The following THADA variants were observed in gnomAD, a reference collection of about 807,000 sequenced individuals.
The protein encoded by THADA is tRNA (32-2'-O)-methyltransferase regulator THADA.
THADA carries 213 observed loss-of-function variants against 219.8 expected under a neutral mutation model. The observed-to-expected ratio is 0.97, with a 90% CI of 0.87 to 1.09. The LOEUF (loss-of-function observed/expected upper bound fraction) is 1.09. Ranked by LOEUF, THADA falls within the 50% of genes least tolerant of loss-of-function variation. The probability of loss-of-function intolerance (pLI) is 0.00; values close to 1 mark genes in which losing one functional copy is unlikely to be tolerated. For synonymous variants in THADA, 1,018 were observed against 828.9 expected (o/e 1.23, Z -3.92); for missense variants, 2,956 against 2,311.3 (o/e 1.28, Z -5.72).
intron 28 of THADA, among the ~76,000 whole-genome samples, chr2:43,413,563 A>T (rs1048741068): frequency 2.0e-5 from 3 of 152,224 alleles, no homozygotes; most frequent in Non-Finnish European, 2.9e-5. Context: ...CAATATCACT[A>T]TTTGATAATC....
At chr2:43,261,705 G>T (rs1282880562) in intron 36 of THADA, among the ~76,000 whole-genome samples, 1 of 148,254 alleles carries the variant, frequency 6.7e-6, no homozygotes, top group East Asian at 2.0e-4. Context: ...GCATGATCTC[G>T]GCTCACTGCA....
At chr2:43,322,910 T>G (rs1678912290) in intron 30 of THADA, among the ~76,000 whole-genome samples, 1 of 151,822 alleles carries the variant, frequency 6.6e-6, no homozygotes, top group East Asian at 1.9e-4. Flanking sequence ...ATGGTTTCGA[T>G]CTCCTGACCT....
At chr2:43,501,642 T>C (rs939476339) in intron 24 of THADA, among the ~76,000 whole-genome samples, 11 of 152,016 alleles carry the variant, frequency 7.2e-5, no homozygotes, top group Admixed American at 1.3e-4. Context: ...AAAGACATAA[T>C]AATTAAACTA....
chr2:43,280,561 G>C (rs1673222302), intron 35 of THADA, among the ~76,000 whole-genome samples: 1 of 152,134 alleles, frequency 6.6e-6, no homozygotes, highest in Non-Finnish European at 1.5e-5. Context: ...GAACCTGAGA[G>C]GCAGAGGTTG....
At chr2:43,245,876 C>G (rs943832842) in intron 36 of THADA, among the ~76,000 whole-genome samples, 1 of 152,084 alleles carries the variant, frequency 6.6e-6, no homozygotes, top group Non-Finnish European at 1.5e-5. Context: ...TAATGTTTCT[C>G]TCTTGAGGAC....
intron 4 of THADA, among the ~76,000 whole-genome samples, chr2:43,588,428 A>G (rs901356552): frequency 8.5e-5 from 13 of 152,184 alleles, no homozygotes; most frequent in African/African-American, 3.1e-4. Flanking sequence ...CCAAAATAAT[A>G]TTTTAATTTT....
chr2:43,294,192 T>C (rs1426120404), intron 31 of THADA, among the ~76,000 whole-genome samples: 1 of 152,262 alleles, frequency 6.6e-6, no homozygotes, highest in African/African-American at 2.4e-5. Flanking sequence ...TCTTTTCATA[T>C]TCTCAGTTCT....
rs1417508231 is a variant in THADA, at chr2:43,279,885, T to A, written c.5176A>T (p.Thr1726Ser). 5.8e-6 allele frequency: 9 copies of A among 1,541,906 alleles called. No homozygotes were observed. The highest frequency in any genetic ancestry group is 7.0e-6 in the Non-Finnish European group (8 of 1,149,540). The change falls in exon 36 of 38, where the codon ACA becomes TCA. Residue 1726 changes from threonine (T) to serine (S), a missense_variant. Physicochemically the swap from Thr to Ser is moderately conservative, Grantham distance 58. Transcript: ENST00000405975. The part of the protein sequence containing the change: ...NPHPILELQD[T>S]LALWKCVLTL... ...AGGACACACTTCCAGAGAGCAAGTG[T>A]ATCCTGCAACTCTAAGAAGACCAAA...
intron 11 of THADA, 143 bp downstream of exon 11, chr2:43,574,193 A>T: frequency 1.5e-6 from 1 of 680,524 alleles, no homozygotes; most frequent in Non-Finnish European, 2.3e-6. Context: ...CATTCGTTTC[A>T]AACTGAAACA....
chr2:43,380,169 G>A (rs548631112), intron 29 of THADA, among the ~76,000 whole-genome samples: 4 of 152,262 alleles, frequency 2.6e-5, no homozygotes, highest in Middle Eastern at 3.4e-3. Flanking sequence ...TTTAATGTAC[G>A]CAAATGTTTA....
At chr2:43,496,661 C>CA (rs74271085) in intron 25 of THADA, among the ~76,000 whole-genome samples, 130 of 142,612 alleles carry the variant, frequency 9.1e-4, no homozygotes, top group Admixed American at 1.9e-3. Flanking sequence ...TGGCTATTAT[C>CA]AAAAAAAAAA....
At chr2:43,394,771 C>A (rs1673821755) in intron 29 of THADA, among the ~76,000 whole-genome samples, 1 of 152,346 alleles carries the variant, frequency 6.6e-6, no homozygotes, top group Middle Eastern at 3.4e-3. Context: ...ATCCCTTTGA[C>A]TTCTTTTTCT....
chr2:43,390,607 C>T (rs1415761961), intron 29 of THADA, among the ~76,000 whole-genome samples: 1 of 152,146 alleles, frequency 6.6e-6, no homozygotes, highest in Non-Finnish European at 1.5e-5. Context: ...GCAACGATTA[C>T]CTTCTAACAA....
chr2:43,343,310 A>G (rs1667257487), intron 30 of THADA: 1 of 152,288 alleles, frequency 6.6e-6, no homozygotes, highest in African/African-American at 2.4e-5. Flanking sequence ...TGCTGGGATT[A>G]CAGACATGAA....
intron 36 of THADA, among the ~76,000 whole-genome samples, chr2:43,265,900 G>T (rs945825842): frequency 6.8e-6 from 1 of 147,298 alleles, no homozygotes; most frequent in African/African-American, 2.5e-5. Flanking sequence ...AGGGGGCGAG[G>T]ATGATAATCC....
chr2:43,594,699 C>G (rs527505199), intron 1 of THADA, among the ~76,000 whole-genome samples: 43 of 152,346 alleles, frequency 2.8e-4, no homozygotes, highest in African/African-American at 1.0e-3. Flanking sequence ...CTCCTCTTCA[C>G]CATCTCAAGA....
At chr2:43,251,048 A>G (rs1669757686) in intron 36 of THADA, among the ~76,000 whole-genome samples, 1 of 152,210 alleles carries the variant, frequency 6.6e-6, no homozygotes, top group Non-Finnish European at 1.5e-5. Context: ...ACACAAGGAC[A>G]AGAAGACTGG....
At chr2:43,258,048 T>C (rs769236721) in intron 36 of THADA, among the ~76,000 whole-genome samples, 17 of 152,112 alleles carry the variant, frequency 1.1e-4, no homozygotes, top group Non-Finnish European at 2.4e-4. Flanking sequence ...CTCCTACTGC[T>C]CTTGATCCTC....
intron 10 of THADA, 42 bp from the exon 11 acceptor site, chr2:43,575,069 A>G (rs919726762): frequency 7.3e-7 from 1 of 1,376,300 alleles, no homozygotes; most frequent in Non-Finnish European, 9.8e-7. Context: ...TAAACTGATT[A>G]GTAAAAGAAA....
Sources: allele counts gnomAD v4.1 joint callset (sites outside exome capture counted in the v4.1 genomes callset), GRCh38; gene constraint gnomAD v4.1.1; transcripts MANE v1.5; gene names NCBI Gene and HGNC (gene_info 2026-07-23, HGNC 2026-07-21).